The following EPHB2 variants were observed in gnomAD, a reference collection of about 807,000 sequenced individuals.
EPHB2 encodes EPH receptor B2, also known as ephrin type-B receptor 2.
EPHB2 carries 18 observed loss-of-function variants against 96.4 expected under a neutral mutation model. The observed-to-expected ratio is 0.19, with a 90% CI of 0.13 to 0.28. The LOEUF (loss-of-function observed/expected upper bound fraction) is 0.28. EPHB2 is among the 10% of genes least tolerant of loss of function. EPHB2 has a pLI of 1.00. For missense variants in EPHB2, 989 were observed against 1,355.4 expected (o/e 0.73, Z 4.25); for synonymous variants, 506 against 534.1 (o/e 0.95, Z 0.72).
Position 22,913,762 on chromosome 1 carries a change from G to C in EPHB2, c.*192G>C. ...GCAACTCAAACGACGGAAAAAAAAA[G>C]GGAATGGGAAAAAAGAAAACAGATC... On this transcript the variant is annotated 3_prime_UTR_variant, in exon 16 of 16. Transcript: ENST00000374630. This position sits in a 1 kb window ranked among gnomAD's most constrained non-coding sequence, Gnocchi z 4.1. 1 of 1,605,846 alleles carries C rather than the reference G, an allele frequency of 6.2e-7. No homozygotes were observed. Among genetic ancestry groups the C allele is most frequent in the Non-Finnish European group, 8.5e-7 (1 of 1,176,028 alleles).
At chr1:22,781,515 G>A (rs1644532678) in intron 2 of EPHB2, 30 bp downstream of exon 2, 1 of 1,611,436 alleles carries the variant, frequency 6.2e-7, no homozygotes. Flanking sequence ...ACCTTGCATT[G>A]GTCCCCAGGA....
rs1557752777 is a variant in EPHB2, at chr1:22,910,473, A to C, written c.2594A>C (p.Lys865Thr). The C allele has an allele frequency of 6.2e-7, 1 of 1,613,524 alleles. No individual in the cohort carries two copies. The highest frequency in any genetic ancestry group is 2.2e-5 in the East Asian group (1 of 44,866). Residue 865 changes from lysine (K) to threonine (T), a missense_variant, in exon 14 of 16, where the codon AAG (lysine) becomes ACG (threonine). Coordinates refer to ENST00000374630, the MANE Select transcript of EPHB2 (RefSeq NM_017449.5). The part of the protein sequence containing the change: ...LHQLMLDCWQ[K>T]DRNHRPKFGQ... ...CAACTCATGCTGGACTGTTGGCAGA[A>C]GGACCGCAACCACCGGCCCAAGTTC...
chr1:22,819,966 C>A (rs1645130796), intron 3 of EPHB2, among the ~76,000 whole-genome samples: 1 of 152,006 alleles, frequency 6.6e-6, no homozygotes, highest in Non-Finnish European at 1.5e-5. Context: ...ACTCATGTAT[C>A]CTCCATGCTG....
chr1:22,906,901 C>T lies in EPHB2; in HGVS notation c.2080C>T (p.Pro694Ser). 1 of 1,614,116 alleles carries T rather than the reference C, an allele frequency of 6.2e-7. No homozygotes were observed. Among genetic ancestry groups the T allele is most frequent in the Non-Finnish European group, 8.5e-7 (1 of 1,179,974 alleles). The change falls in exon 11 of 16, where the codon CCT (proline) becomes TCT (serine). Residue 694 changes from proline to serine, a missense_variant. By Grantham distance (74) the Pro-to-Ser change is moderately conservative. Transcript: ENST00000374630. The surrounding 1 kb of genome is among the most constrained non-coding windows in gnomAD (Gnocchi z 4.8). ...HLEGVVTKST[P>S]VMIITEFMEN... ...GGAGGGTGTCGTGACCAAGAGCACA[C>T]CTGTGATGATCATCACCGAGTTCAT...
chr1:22,730,373 G>A lies in EPHB2; in HGVS notation c.61+19330G>A, dbSNP rs557906810. 2.0e-5 allele frequency among the ~76,000 whole-genome samples: 3 copies of A among 152,322 alleles called. No homozygotes were observed. The East Asian group carries it at 5.8e-4, about 29-fold the overall frequency. ...GTGTCAGGGATCCCTGGCCTTTGGG[G>A]GTCTTGACATCCCAAGCTCTTACCA... On this transcript the variant is annotated intron_variant, in intron 1 of 15. Transcript: ENST00000374630.
At chr1:22,890,975 A>G (rs1404532533) in intron 6 of EPHB2, among the ~76,000 whole-genome samples, 1 of 152,204 alleles carries the variant, frequency 6.6e-6, no homozygotes, top group East Asian at 1.9e-4. Context: ...GTATAGCAGC[A>G]TGAGAAGGGA....
At chr1:22,833,146 C>T (rs1203279931) in intron 3 of EPHB2, among the ~76,000 whole-genome samples, 1 of 151,872 alleles carries the variant, frequency 6.6e-6, no homozygotes, top group Non-Finnish European at 1.5e-5. Flanking sequence ...GAGACAGAGT[C>T]TCGCTCTTTT....
chr1:22,798,325 C>T (rs185398428), intron 3 of EPHB2, among the ~76,000 whole-genome samples: 97 of 152,322 alleles, frequency 6.4e-4, no homozygotes, highest in Non-Finnish European at 2.5e-4. Context: ...GGGCGCCCCA[C>T]AGGTCTGTCT....
At position 22,858,217 on chromosome 1, in the gene EPHB2, A is replaced by G. The variant is rs1645732735; in HGVS notation, c.812-4820A>G. On this transcript the variant is annotated intron_variant, in intron 3 of 15. Coordinates refer to ENST00000374630, the MANE Select transcript of EPHB2 (RefSeq NM_017449.5). The surrounding 1 kb of genome is among the most constrained non-coding windows in gnomAD (Gnocchi z 7.7). ...ATTCGATGACCACAGGCAGGAGCGC[A>G]GTGAGTGAGAGGAGGAGGGGGAAGC... 6.8e-6 allele frequency among the ~76,000 whole-genome samples: 1 copy of G among 147,052 alleles called. No individual in the cohort carries two copies. Among genetic ancestry groups the G allele is most frequent in the African/African-American group, 2.4e-5 (1 of 41,140 alleles).
At chr1:22,857,447 G>T (rs1311878346) in intron 3 of EPHB2, among the ~76,000 whole-genome samples, 1 of 152,032 alleles carries the variant, frequency 6.6e-6, no homozygotes, top group African/African-American at 2.4e-5. Context: ...TTCGGGCAAA[G>T]GGACCAGCAT....
At chr1:22,821,723 C>T (rs1317023070) in intron 3 of EPHB2, among the ~76,000 whole-genome samples, 1 of 152,168 alleles carries the variant, frequency 6.6e-6, no homozygotes, top group Non-Finnish European at 1.5e-5. Flanking sequence ...CTTCTGTTAA[C>T]CTTTGGATTG....
chr1:22,757,201 GGGT>G lies in EPHB2; in HGVS notation c.62-24216_62-24214del. Among the ~76,000 whole-genome samples, 3 of 152,174 alleles carry G rather than the reference GGGT, an allele frequency of 2.0e-5. No individual in the cohort carries two copies. The Middle Eastern group carries it at 0.01, about 518-fold the overall frequency. On this transcript the variant is annotated intron_variant, in intron 1 of 15. Coordinates refer to ENST00000374630, the MANE Select transcript of EPHB2 (RefSeq NM_017449.5). ...GGGGTCCTGAGGGTGCTCAGGGTTT[GGGT>G]GGTTCTGGAATACTTGAGTCATTCT...
intron 1 of EPHB2, among the ~76,000 whole-genome samples, chr1:22,780,481 C>T (rs1194118702): frequency 6.6e-6 from 1 of 152,158 alleles, no homozygotes; most frequent in Non-Finnish European, 1.5e-5. Context: ...GGAGGGGCCC[C>T]AGTGATAGGA....
At chr1:22,768,044 G>T (rs978592114) in intron 1 of EPHB2, among the ~76,000 whole-genome samples, 4 of 152,326 alleles carry the variant, frequency 2.6e-5, no homozygotes, top group South Asian at 2.1e-4. Flanking sequence ...GCACCCTGGG[G>T]TGTTCTGTCA....
At chr1:22,844,320 A>G (rs1645510606) in intron 3 of EPHB2, among the ~76,000 whole-genome samples, 1 of 152,238 alleles carries the variant, frequency 6.6e-6, no homozygotes, top group Non-Finnish European at 1.5e-5. Context: ...AGAGACTCAG[A>G]GAGGTATATG....
intron 5 of EPHB2, among the ~76,000 whole-genome samples, chr1:22,866,710 G>A (rs1638490864): frequency 6.6e-6 from 1 of 152,124 alleles, no homozygotes; most frequent in African/African-American, 2.4e-5. Flanking sequence ...AAGGCGGGAG[G>A]ATCACCTGAG....
At chr1:22,800,042 C>T (rs758096198) in intron 3 of EPHB2, among the ~76,000 whole-genome samples, 4 of 152,224 alleles carry the variant, frequency 2.6e-5, no homozygotes, top group Non-Finnish European at 4.4e-5. Context: ...GCCCCACATC[C>T]GTATCCCTGG....
chr1:22,727,002 A>G (rs1180448912), intron 1 of EPHB2, among the ~76,000 whole-genome samples: 1 of 152,226 alleles, frequency 6.6e-6, no homozygotes, highest in Non-Finnish European at 1.5e-5. Context: ...GCCATGGTGA[A>G]CCAAAGTGTG....
At chr1:22,907,461 A>G (rs1639955269) in intron 11 of EPHB2, among the ~76,000 whole-genome samples, 1 of 152,232 alleles carries the variant, frequency 6.6e-6, no homozygotes, top group Non-Finnish European at 1.5e-5. Context: ...AGGAAAGTGT[A>G]TAGGCCTCCC....
Sources: gnomAD v4.1 joint callset for allele counts (sites outside exome capture counted in the v4.1 genomes callset) on GRCh38, gnomAD v4.1.1 for gene constraint, Gnocchi (gnomAD v3.1) non-coding constraint, MANE v1.5 for transcripts, NCBI Gene and HGNC (gene_info 2026-07-23, HGNC 2026-07-21) for gene names.